The following TRAPPC3 variants were observed in gnomAD, a reference collection of about 807,000 sequenced individuals.
TRAPPC3 encodes trafficking protein particle complex subunit 3.
A neutral mutation model predicts 18.2 loss-of-function variants in TRAPPC3; 5 were observed. The observed-to-expected ratio is 0.28, with a 90% confidence interval of 0.14 to 0.58. The LOEUF is 0.58. Ranked by LOEUF, TRAPPC3 falls within the 20% of genes least tolerant of loss-of-function variation. TRAPPC3 has a pLI of 0.91. For missense variants in TRAPPC3, 176 were observed against 225.9 expected, an observed-to-expected ratio of 0.78 and a Z score of 1.41; for synonymous variants, 65 against 84.2, an observed-to-expected ratio of 0.77 and a Z score of 1.25.
upstream of TRAPPC3, among the ~76,000 whole-genome samples, chr1:36,154,235 C>T (rs1644293256): frequency 6.6e-6 from 1 of 152,292 alleles, no homozygotes; most frequent in South Asian, 2.1e-4. Flanking sequence ...GAACTCCTGA[C>T]TTCAAGGATC....
At chr1:36,147,499 C>A (rs1307278185) in intron 1 of TRAPPC3, among the ~76,000 whole-genome samples, 2 of 151,794 alleles carry the variant, frequency 1.3e-5, no homozygotes, top group African/African-American at 4.8e-5. Context: ...AAAAAATTAG[C>A]CAGGCATGGT....
chr1:36,149,352 G>T lies in TRAPPC3; in HGVS notation c.27C>A (p.Thr9=), dbSNP rs1644248020. The change falls in exon 1 of 5, where the codon ACC becomes ACA. Residue 9 remains threonine (T), a synonymous_variant. Transcript: ENST00000373166. ...TCCAAGTTACCATTTTCTTGCTCTC[G>T]GTGCCACGGTTCGCCTGCCTCGACA... The part of the protein sequence containing the change: MSRQANRG[T]ESKKMSSELF... The T allele has an allele frequency of 6.2e-7, 1 of 1,613,312 alleles. No homozygotes were observed. Among genetic ancestry groups the T allele is most frequent in the Non-Finnish European group, 8.5e-7 (1 of 1,179,736 alleles).
intron 1 of TRAPPC3, among the ~76,000 whole-genome samples, chr1:36,141,615 A>G (rs1318040896): frequency 1.3e-5 from 2 of 152,216 alleles, no homozygotes; most frequent in African/African-American, 4.8e-5. Flanking sequence ...AAAGGCAGGA[A>G]TTAACCCCAC....
intron 1 of TRAPPC3, among the ~76,000 whole-genome samples, chr1:36,146,827 G>A (rs754451801): frequency 6.6e-6 from 1 of 152,184 alleles, no homozygotes; most frequent in African/African-American, 2.4e-5. Context: ...TTAGGGACTA[G>A]GACTTCATCC....
upstream of TRAPPC3, among the ~76,000 whole-genome samples, chr1:36,150,025 T>C (rs1288312648): frequency 6.6e-6 from 1 of 152,178 alleles, no homozygotes; most frequent in Non-Finnish European, 1.5e-5. Context: ...AGCACCTGCC[T>C]TCTACCACCT....
chr1:36,152,642 G>C (rs560843120), upstream of TRAPPC3, among the ~76,000 whole-genome samples: 1 of 151,392 alleles, frequency 6.6e-6, no homozygotes, highest in Non-Finnish European at 1.5e-5. Flanking sequence ...TTTTTTTAAA[G>C]ATTTTTTTTA....
At chr1:36,144,053 C>T (rs549526179) in intron 1 of TRAPPC3, among the ~76,000 whole-genome samples, 3 of 151,188 alleles carry the variant, frequency 2.0e-5, no homozygotes, top group South Asian at 2.1e-4. Context: ...TTTGGGAGGC[C>T]GAGGCGGGCG....
At chr1:36,154,898 C>T (rs1341492991) in intron 1 of TRAPPC3, among the ~76,000 whole-genome samples, 1 of 152,204 alleles carries the variant, frequency 6.6e-6, no homozygotes, top group African/African-American at 2.4e-5. Flanking sequence ...AGAGGGGACA[C>T]TATTCCCTTC....
Position 36,137,024 on chromosome 1 carries a change from C to T in TRAPPC3, c.*179G>A. The T allele has an allele frequency of 1.6e-6, 1 of 636,678 alleles. No individual in the cohort carries two copies. Among genetic ancestry groups the T allele is most frequent in the Non-Finnish European group, 2.6e-6 (1 of 391,642 alleles). 39.4% of individuals were successfully genotyped at this position (636,678 alleles called of 1,614,324 possible). A position where few individuals can be genotyped will look rare whatever the true frequency, so the allele number is the denominator to read the frequency against. On this transcript the variant is annotated 3_prime_UTR_variant, in exon 5 of 5. Transcript: ENST00000373166. Reference sequence around the variant, plus strand: ...AGACTGTCGCTCCTGAATGTGCACACATGGGGTAAATGGACTATATCGCAG... The same window carrying T: ...AGACTGTCGCTCCTGAATGTGCACATATGGGGTAAATGGACTATATCGCAG...
At chr1:36,149,489 C>G (rs1644251427), upstream of TRAPPC3, 1 of 1,398,504 alleles carries the variant, frequency 7.2e-7, no homozygotes, top group Non-Finnish European at 9.8e-7. Context: ...CCGGCACTGA[C>G]TCACTGCGCC....
chr1:36,139,734 C>G lies in TRAPPC3; in HGVS notation c.226G>C (p.Asp76His), dbSNP rs1350686285. ...GRCHDFRETA[D>H]VIAKVAFKMY... ...AGAATAATGACCTTGGCAATGACATCCGCAGTTTCCCGAAAGTCATGGCAC... is the reference window on the plus strand; with the variant it reads ...AGAATAATGACCTTGGCAATGACATGCGCAGTTTCCCGAAAGTCATGGCAC... Residue 76 changes from aspartate to histidine, a missense_variant, in exon 3 of 5, where the codon GAT becomes CAT. Physicochemically the swap from Asp to His is moderately conservative, Grantham distance 81. Coordinates refer to ENST00000373166, the MANE Select transcript of TRAPPC3 (RefSeq NM_014408.5). 1 of 1,614,110 alleles carries G rather than the reference C, an allele frequency of 6.2e-7. No homozygotes were observed. Among genetic ancestry groups the G allele is most frequent in the Admixed American group, 1.7e-5 (1 of 60,006 alleles).
chr1:36,136,962 T>G lies in TRAPPC3; in HGVS notation c.*241A>C. ...GAGCTCTTTCTAGTCCAACCAAAGGTGATTACATCCAGCCCCTCTCAAGGG... is the reference window on the plus strand; with the variant it reads ...GAGCTCTTTCTAGTCCAACCAAAGGGGATTACATCCAGCCCCTCTCAAGGG... On this transcript the variant is annotated 3_prime_UTR_variant, in exon 5 of 5. Transcript: ENST00000373166. 2.7e-6 allele frequency: 1 copy of G among 373,508 alleles called. No homozygotes were observed. Among genetic ancestry groups the G allele is most frequent in the South Asian group, 6.9e-5 (1 of 14,496 alleles). 23.1% of individuals were successfully genotyped at this position (373,508 alleles called of 1,614,324 possible). A position where few individuals can be genotyped will look rare whatever the true frequency, so the allele number is the denominator to read the frequency against.
intron 4 of TRAPPC3, 95 bp from the exon 5 acceptor site, chr1:36,137,417 C>CA: frequency 7.6e-7 from 1 of 1,320,198 alleles, no homozygotes; most frequent in Non-Finnish European, 1.1e-6. Context: ...CCACAGCATC[C>CA]AAAAAAGGGG....
chr1:36,142,086 A>G (rs936111759), intron 1 of TRAPPC3, among the ~76,000 whole-genome samples: 4 of 152,058 alleles, frequency 2.6e-5, no homozygotes, highest in African/African-American at 9.7e-5. Flanking sequence ...ACTCTTCCCC[A>G]CAACTGTAGT....
chr1:36,150,916 C>A (rs1442459203), upstream of TRAPPC3, among the ~76,000 whole-genome samples: 1 of 152,186 alleles, frequency 6.6e-6, no homozygotes, highest in Non-Finnish European at 1.5e-5. Flanking sequence ...GTTGGCCAGC[C>A]GGTCTGTCGG....
At chr1:36,150,907 T>C (rs1329902820), upstream of TRAPPC3, among the ~76,000 whole-genome samples, 8 of 152,322 alleles carry the variant, frequency 5.3e-5, no homozygotes, top group African/African-American at 1.2e-4. Flanking sequence ...AAAGCTGCAG[T>C]TGGCCAGCCG....
Position 36,137,954 on chromosome 1 carries a change from T to C in TRAPPC3, c.265A>G (p.Ile89Val). ...CTCCAATTAGTAATGCTTGGAGTGATGCCCAAGTACATCTTGAACGCCACC... is the reference window on the plus strand; with the variant it reads ...CTCCAATTAGTAATGCTTGGAGTGACGCCCAAGTACATCTTGAACGCCACC... ...AKVAFKMYLG[I>V]TPSITNWSPA... Residue 89 changes from isoleucine to valine, a missense_variant, in exon 4 of 5, where the codon ATC becomes GTC. This residue lies in a region of TRAPPC3 where 147 missense variants were observed against 164.3 expected (regional missense o/e 0.89). Transcript: ENST00000373166. The C allele has an allele frequency of 1.2e-6, 2 of 1,614,088 alleles. No individual in the cohort carries two copies. The highest frequency in any genetic ancestry group is 1.7e-6 in the Non-Finnish European group (2 of 1,179,986).
intron 2 of TRAPPC3, 63 bp downstream of exon 2, chr1:36,140,006 C>A (rs1424756453): frequency 2.1e-5 from 31 of 1,489,156 alleles, no homozygotes; most frequent in Non-Finnish European, 2.5e-5. Flanking sequence ...CTCTAAAGGA[C>A]AATGTAGACT....
At chr1:36,143,256 G>C (rs1039004884) in intron 1 of TRAPPC3, among the ~76,000 whole-genome samples, 2 of 150,994 alleles carry the variant, frequency 1.3e-5, no homozygotes, top group African/African-American at 4.9e-5. Flanking sequence ...TGTGTGTTGG[G>C]GGGGTGGTTA....
Sources: gnomAD v4.1 joint callset for allele counts (sites outside exome capture counted in the v4.1 genomes callset) on GRCh38, gnomAD v4.1.1 for gene constraint, gnomAD v4.1.1 regional missense constraint, MANE v1.5 for transcripts, NCBI Gene and HGNC (gene_info 2026-07-23, HGNC 2026-07-21) for gene names.